Variants in RARB observed in about 807,000 individuals in gnomAD.
RARB encodes retinoic acid receptor beta, also known as HBV-activated protein.
RARB carries 17 observed loss-of-function variants against 51.9 expected under a neutral mutation model. That is an observed-to-expected ratio of 0.33 (90% CI 0.22 to 0.49). The LOEUF is 0.49. RARB is among the 20% of genes least tolerant of loss of function. The pLI is 0.99. For missense variants in RARB, 369 were observed against 550.8 expected (o/e 0.67, Z 3.30); for synonymous variants, 215 against 195.4 (o/e 1.10, Z -0.84).
At chr3:25,176,352 TC>T (rs1403251990) in intron 5 of RARB, among the ~76,000 whole-genome samples, 2 of 100,332 alleles carry the variant, frequency 2.0e-5, no homozygotes, top group Non-Finnish European at 4.4e-5. Context: ...CTTCCTTCCT[TC>T]CTTCCTTCCT....
intron 5 of RARB, among the ~76,000 whole-genome samples, chr3:25,249,019 T>C (rs1452062613): frequency 7.2e-5 from 11 of 152,158 alleles, no homozygotes; most frequent in African/African-American, 2.2e-4. Flanking sequence ...TTTTGTTAAA[T>C]AGGTTTTCTG....
intron 3 of RARB, among the ~76,000 whole-genome samples, chr3:25,106,451 G>GGGTTTTTTTTTTT (rs1575163102): frequency 1.4e-5 from 1 of 70,534 alleles, no homozygotes; most frequent in African/African-American, 6.2e-5. Context: ...ACTGTTTTTT[G>GGGTTTTTTTTTTT]TTTTTTGTTT....
chr3:25,106,273 A>T (rs1353458932), intron 3 of RARB, among the ~76,000 whole-genome samples: 2 of 26,538 alleles, frequency 7.5e-5, no homozygotes, highest in African/African-American at 3.2e-4. Flanking sequence ...GTTTCATACA[A>T]GTAAAATTCT....
At chr3:25,334,475 A>G (rs1479642864) in intron 5 of RARB, among the ~76,000 whole-genome samples, 1 of 152,176 alleles carries the variant, frequency 6.6e-6, no homozygotes, top group Non-Finnish European at 1.5e-5. Context: ...TGGGAATTGA[A>G]TAATGAGAAC....
chr3:24,927,492 G>T (rs1406262951), intron 2 of RARB, among the ~76,000 whole-genome samples: 2 of 152,088 alleles, frequency 1.3e-5, no homozygotes, highest in African/African-American at 4.8e-5. Flanking sequence ...TATTGAGATT[G>T]AAAGCTCTAT....
chr3:24,925,770 C>A (rs1186751696), intron 2 of RARB, among the ~76,000 whole-genome samples: 1 of 151,264 alleles, frequency 6.6e-6, no homozygotes, highest in Non-Finnish European at 1.5e-5. Flanking sequence ...AGGTTCACAA[C>A]TTTCAATAGC....
chr3:24,949,526 A>G (rs1021759980), intron 2 of RARB, among the ~76,000 whole-genome samples: 1 of 152,238 alleles, frequency 6.6e-6, no homozygotes, highest in Non-Finnish European at 1.5e-5. Context: ...TATGCTCTCC[A>G]TAAGGATATA....
intron 5 of RARB, among the ~76,000 whole-genome samples, chr3:25,398,355 C>G (rs12374126): frequency 0.11 from 16,413 of 152,064 alleles, 1,009 homozygotes; most frequent in South Asian, 0.19. Flanking sequence ...ACTACTATAC[C>G]AAGGGGAAAG....
chr3:24,939,596 T>G (rs144340003), intron 2 of RARB, among the ~76,000 whole-genome samples: 1 of 152,322 alleles, frequency 6.6e-6, no homozygotes, highest in African/African-American at 2.4e-5. Flanking sequence ...GGTCAAACTT[T>G]GATCAACACC....
At chr3:25,390,286 G>A (rs1170870654) in intron 5 of RARB, among the ~76,000 whole-genome samples, 2 of 152,122 alleles carry the variant, frequency 1.3e-5, no homozygotes, top group Non-Finnish European at 2.9e-5. Flanking sequence ...TTGACCCTGG[G>A]AGTTTGAGAA....
At chr3:25,042,844 T>C (rs1367681058) in intron 2 of RARB, among the ~76,000 whole-genome samples, 1 of 152,178 alleles carries the variant, frequency 6.6e-6, no homozygotes, top group Non-Finnish European at 1.5e-5. Flanking sequence ...CCTTGACCAA[T>C]ATATCCCCAT....
At chr3:25,157,289 T>A (rs1371038709) in intron 4 of RARB, among the ~76,000 whole-genome samples, 1 of 151,934 alleles carries the variant, frequency 6.6e-6, no homozygotes, top group Admixed American at 6.6e-5. Context: ...TTAACAATGT[T>A]AACAATATTA....
Position 24,874,110 on chromosome 3 carries a change from G to A in RARB, c.-380+15358G>A, listed in dbSNP as rs533343716. On this transcript the variant is annotated intron_variant, in intron 2 of 11. Coordinates refer to the RARB transcript ENST00000383772. ...GGTTATATGCAAATACTACTCCATA[G>A]GAACTTGAGCATTCATAAATTTTGG... Among the ~76,000 whole-genome samples, 17 of 152,030 alleles carry A rather than the reference G, an allele frequency of 1.1e-4. No homozygotes were observed. In the South Asian group the frequency reaches 2.3e-3, roughly 20 times the overall value.
At chr3:25,284,432 T>C (rs1433247052) in intron 5 of RARB, among the ~76,000 whole-genome samples, 2 of 151,722 alleles carry the variant, frequency 1.3e-5, no homozygotes, top group Non-Finnish European at 2.9e-5. Context: ...TTGAGCAATA[T>C]TTTTATTTGA....
intron 3 of RARB, among the ~76,000 whole-genome samples, chr3:25,121,376 A>G (rs186868937): frequency 2.3e-4 from 35 of 152,290 alleles, no homozygotes; most frequent in Admixed American, 7.8e-4. Flanking sequence ...CTAGCTTCCT[A>G]TTTAGATTTT....
chr3:25,304,436 T>C (rs544209875), intron 5 of RARB, among the ~76,000 whole-genome samples: 2 of 152,330 alleles, frequency 1.3e-5, no homozygotes, highest in Non-Finnish European at 2.9e-5. Context: ...AGTATTGCCC[T>C]CTTAGATGGT....
chr3:25,272,151 A>G (rs897760282), intron 5 of RARB, among the ~76,000 whole-genome samples: 5 of 152,248 alleles, frequency 3.3e-5, no homozygotes, highest in Admixed American at 1.3e-4. Flanking sequence ...TTGATTGCAG[A>G]AAATTCTATG....
intron 2 of RARB, among the ~76,000 whole-genome samples, chr3:24,936,468 C>G (rs1695550233): frequency 6.6e-6 from 1 of 152,076 alleles, no homozygotes; most frequent in South Asian, 2.1e-4. Context: ...TTAGGTTAAC[C>G]AAGAGTCTTA....
rs148725356 is a variant in RARB at position 25,065,701 on chromosome 3, C to G, written c.-328+5525C>G. On this transcript the variant is annotated intron_variant, in intron 3 of 11. Coordinates refer to the RARB transcript ENST00000383772. ...ATGTGTAGTTGAATGACACTTCGTA[C>G]CATATCTGAGAATCTGGCATGCAAA... Among the ~76,000 whole-genome samples the G allele has an allele frequency of 3.9e-4, 60 of 152,288 alleles. 1 individual carries two copies. In the East Asian group the frequency reaches 0.011, roughly 28 times the overall value.
Sources: gnomAD v4.1 joint callset for allele counts (sites outside exome capture counted in the v4.1 genomes callset) on GRCh38, gnomAD v4.1.1 for gene constraint, MANE v1.5 for transcripts, NCBI Gene and HGNC (gene_info 2026-07-23, HGNC 2026-07-21) for gene names.